Variants in TCEANC2 observed in about 807,000 individuals in gnomAD.
The protein encoded by TCEANC2 is transcription elongation factor A N-terminal and central domain containing 2, also known as transcription elongation factor A N-terminal and central domain-containing protein 2.
In TCEANC2, 20 loss-of-function variants were observed where a neutral mutation model predicts 22.8. The observed-to-expected ratio is 0.88, with a 90% CI of 0.62 to 1.28. The LOEUF (loss-of-function observed/expected upper bound fraction) is 1.28. TCEANC2 is among the 50% of genes most tolerant of loss of function. The probability of loss-of-function intolerance (pLI) is 0.00; values close to 1 mark genes in which losing one functional copy is unlikely to be tolerated. For missense variants in TCEANC2, 251 were observed against 249.7 expected, an observed-to-expected ratio of 1.01 and a Z score of -0.03; for synonymous variants, 84 against 95.5, an observed-to-expected ratio of 0.88 and a Z score of 0.70.
At chr1:54,061,730 C>A (rs1227398510) in intron 2 of TCEANC2, among the ~76,000 whole-genome samples, 2 of 151,410 alleles carry the variant, frequency 1.3e-5, no homozygotes, top group Non-Finnish European at 2.9e-5. Context: ...ATAGTCTGTC[C>A]CCTATAGATA....
intron 4 of TCEANC2, among the ~76,000 whole-genome samples, chr1:54,094,754 G>A (rs1297560727): frequency 6.6e-6 from 1 of 152,160 alleles, no homozygotes; most frequent in African/African-American, 2.4e-5. Context: ...CTAAGGTAGG[G>A]AGAGAAAGGT....
chr1:54,063,693 A>AAAATCCC (rs1475662872), intron 2 of TCEANC2, among the ~76,000 whole-genome samples: 1 of 152,204 alleles, frequency 6.6e-6, no homozygotes, highest in Non-Finnish European at 1.5e-5. Flanking sequence ...CAAATATCGA[A>AAAATCCC]AAATCCCAAA....
rs770507010 is a variant in TCEANC2 at position 54,096,449 on chromosome 1, G to T, written c.603G>T (p.Thr201=). The stretch of plus-strand genomic sequence containing the variant: ...AGAGCGGCTCGCTGCCAGTCGGCAC[G>T]TTTGTACAGACCCACAAAAAGTGAC... The part of the protein sequence containing the change: ...QVKSGSLPVG[T]FVQTHKK Residue 201 remains threonine, a synonymous_variant, in exon 5 of 5, where the codon ACG becomes ACT. Coordinates refer to ENST00000234827, the MANE Select transcript of TCEANC2 (RefSeq NM_153035.3). The surrounding 1 kb of genome is among the most constrained non-coding windows in gnomAD (Gnocchi z 4.9). The T allele has an allele frequency of 1.9e-6, 3 of 1,609,590 alleles. No homozygotes were observed. Among genetic ancestry groups the T allele is most frequent in the Non-Finnish European group, 2.6e-6 (3 of 1,176,166 alleles).
intron 4 of TCEANC2, among the ~76,000 whole-genome samples, chr1:54,094,188 A>G (rs1294304873): frequency 1.3e-5 from 2 of 151,946 alleles, no homozygotes; most frequent in African/African-American, 2.4e-5. Flanking sequence ...CTGGGCCTGG[A>G]TATTCACTCT....
intron 3 of TCEANC2, among the ~76,000 whole-genome samples, chr1:54,077,477 C>T (rs1266670996): frequency 2.6e-5 from 4 of 152,152 alleles, no homozygotes; most frequent in African/African-American, 9.7e-5. Flanking sequence ...TCTCAGTTCT[C>T]ATCTTCCCAG....
intron 3 of TCEANC2, among the ~76,000 whole-genome samples, chr1:54,081,355 G>A (rs751212424): frequency 3.1e-4 from 47 of 152,050 alleles, no homozygotes; most frequent in Non-Finnish European, 3.7e-4. Context: ...CAGCCTCCCA[G>A]GTAGCTGGGA....
chr1:54,063,253 C>G (rs1395876511), intron 2 of TCEANC2, among the ~76,000 whole-genome samples: 1 of 152,164 alleles, frequency 6.6e-6, no homozygotes. Context: ...GAGAAATGAG[C>G]TAGAAAAATT....
At position 54,096,288 on chromosome 1, in the gene TCEANC2, G is replaced by A. The variant is rs1557695152; in HGVS notation, c.442G>A (p.Asp148Asn). ...LLSEALELKMDHLLVENIERE... is the reference protein window; with the variant it reads ...LLSEALELKMNHLLVENIERE... ...TGATAATTTTGCTGTTTTTTAGATG[G>A]ATCACCTACTGGTTGAAAATATTGA... The change falls in exon 5 of 5, where the codon GAT becomes AAT. Residue 148 changes from aspartate to asparagine, a missense_variant. By Grantham distance (23) the Asp-to-Asn change is conservative. Coordinates refer to ENST00000234827, the MANE Select transcript of TCEANC2 (RefSeq NM_153035.3). The surrounding 1 kb of genome is among the most constrained non-coding windows in gnomAD (Gnocchi z 4.9). The A allele has an allele frequency of 6.3e-7, 1 of 1,591,362 alleles. No homozygotes were observed. Among genetic ancestry groups the A allele is most frequent in the Non-Finnish European group, 8.6e-7 (1 of 1,161,528 alleles).
chr1:54,085,388 A>G (rs1339488309), intron 3 of TCEANC2, among the ~76,000 whole-genome samples: 1 of 152,230 alleles, frequency 6.6e-6, no homozygotes, highest in African/African-American at 2.4e-5. Context: ...CATTTTCTCA[A>G]ATAAAAATTT....
chr1:54,057,347 ATTTT>A (rs1163556776), intron 2 of TCEANC2, among the ~76,000 whole-genome samples: 1 of 85,942 alleles, frequency 1.2e-5, no homozygotes, highest in East Asian at 3.7e-4. Flanking sequence ...CACCTGGCTA[ATTTT>A]TTTTTTTTTT....
At chr1:54,056,223 T>A (rs1657749089) in intron 2 of TCEANC2, among the ~76,000 whole-genome samples, 1 of 152,160 alleles carries the variant, frequency 6.6e-6, no homozygotes, top group African/African-American at 2.4e-5. Flanking sequence ...CATGTCAGAC[T>A]CTCTCCAGGA....
intron 2 of TCEANC2, among the ~76,000 whole-genome samples, chr1:54,065,761 A>G (rs1391148617): frequency 5.9e-5 from 9 of 151,730 alleles, no homozygotes; most frequent in Non-Finnish European, 1.3e-4. Context: ...TAGAAATATA[A>G]TAAGTAACTT....
chr1:54,075,050 G>A (rs189227161), intron 3 of TCEANC2, among the ~76,000 whole-genome samples: 1 of 152,324 alleles, frequency 6.6e-6, no homozygotes, highest in Admixed American at 6.5e-5. Context: ...TTACCAAGAT[G>A]AGGATTAGCA....
rs1658738325 is a variant in TCEANC2 at position 54,105,602 on chromosome 1, T to G, written c.*9129T>G. On this transcript the variant is annotated 3_prime_UTR_variant, in exon 5 of 5. Transcript: ENST00000234827. ...TATAACATAGCTCTTCCAGTTTTTG[T>G]TAACAATTCTAGAACAGGGGTCAGC... The G allele has an allele frequency of 6.6e-6, 1 of 151,956 alleles. No individual in the cohort carries two copies. The allele number at this position is 151,956 out of a possible 1,614,324, so 9.4% of individuals were successfully genotyped here. A position where few individuals can be genotyped will look rare whatever the true frequency, so the allele number is the denominator to read the frequency against.
chr1:54,062,697 C>T (rs1234390432), intron 2 of TCEANC2, among the ~76,000 whole-genome samples: 1 of 152,146 alleles, frequency 6.6e-6, no homozygotes, highest in African/African-American at 2.4e-5. Flanking sequence ...TCATAGAAGA[C>T]ATGATGCTTG....
chr1:54,108,330 C>G (rs1327329675), downstream of TCEANC2, among the ~76,000 whole-genome samples: 1 of 152,148 alleles, frequency 6.6e-6, no homozygotes, highest in Non-Finnish European at 1.5e-5. Flanking sequence ...TGTTGAAGTC[C>G]TCACCCCCAG....
At chr1:54,089,827 A>C (rs972169276) in intron 4 of TCEANC2, 4 of 430,172 alleles carry the variant, frequency 9.3e-6, no homozygotes, top group African/African-American at 8.2e-5. Flanking sequence ...CAGCAGCTGC[A>C]TTGCCACAGT....
In TCEANC2 at chr1:54,101,012, G is replaced by A. The variant is rs1557696633; in HGVS notation, c.*4539G>A. ...AAAGTTGCCCAAACAGATATCATTA[G>A]AGAATCCCAGGTTTGAAAAATGGCA... On this transcript the variant is annotated 3_prime_UTR_variant, in exon 5 of 5. Transcript: ENST00000234827. 1 of 151,702 alleles carries A rather than the reference G, an allele frequency of 6.6e-6. No individual in the cohort carries two copies. Among genetic ancestry groups the A allele is most frequent in the Non-Finnish European group, 1.5e-5 (1 of 67,980 alleles). 9.4% of individuals were successfully genotyped at this position (151,702 alleles called of 1,614,324 possible).
intron 3 of TCEANC2, among the ~76,000 whole-genome samples, chr1:54,072,011 T>C (rs757375285): frequency 1.3e-5 from 2 of 152,028 alleles, no homozygotes; most frequent in Non-Finnish European, 2.9e-5. Flanking sequence ...AGGGTCTCGC[T>C]AAGTTGCCCA....
Sources: gnomAD v4.1 joint callset for allele counts (sites outside exome capture counted in the v4.1 genomes callset) on GRCh38, gnomAD v4.1.1 for gene constraint, Gnocchi (gnomAD v3.1) non-coding constraint, MANE v1.5 for transcripts, NCBI Gene and HGNC (gene_info 2026-07-23, HGNC 2026-07-21) for gene names.